The following USH2A variants were observed in gnomAD, a reference collection of about 807,000 sequenced individuals.
The protein encoded by USH2A is Usher syndrome 2A (autosomal recessive, mild).
A neutral mutation model predicts 538.9 loss-of-function variants in USH2A; 443 were observed. The ratio of observed to expected loss-of-function variants is 0.82; its 90% CI spans 0.76 to 0.89. USH2A has a LOEUF of 0.89. Ranked by LOEUF, USH2A falls within the 40% of genes least tolerant of loss-of-function variation. The pLI is 0.00. For synonymous variants in USH2A, 2,413 were observed against 2,273.5 expected (o/e 1.06, Z -1.75); for missense variants, 6,633 against 6,324.8 (o/e 1.05, Z -1.65).
At chr1:215,765,352 G>A (rs928241276) in intron 56 of USH2A, among the ~76,000 whole-genome samples, 2 of 152,064 alleles carry the variant, frequency 1.3e-5, no homozygotes, top group African/African-American at 4.8e-5. Context: ...TTCCTGGTGA[G>A]GAGCCATATG....
chr1:216,067,117 T>C (rs1453617306), intron 30 of USH2A, among the ~76,000 whole-genome samples: 1 of 152,132 alleles, frequency 6.6e-6, no homozygotes, highest in Non-Finnish European at 1.5e-5. Flanking sequence ...TGCAGGAACA[T>C]GGATGAAGCT....
chr1:216,304,943 T>C (rs1452053752), intron 9 of USH2A, among the ~76,000 whole-genome samples: 1 of 152,098 alleles, frequency 6.6e-6, no homozygotes, highest in African/African-American at 2.4e-5. Flanking sequence ...TATCACATGG[T>C]GTATCTTGGA....
intron 21 of USH2A, among the ~76,000 whole-genome samples, chr1:216,122,034 C>T (rs550631882): frequency 3.9e-5 from 6 of 152,106 alleles, no homozygotes; most frequent in East Asian, 1.9e-4. Context: ...CAAAAAGGAC[C>T]GCAAACACAA....
At chr1:216,191,995 T>C (rs2034725453) in intron 19 of USH2A, among the ~76,000 whole-genome samples, 1 of 152,102 alleles carries the variant, frequency 6.6e-6, no homozygotes, top group South Asian at 2.1e-4. Context: ...ACTTGCAGCA[T>C]AAAATTATCA....
intron 3 of USH2A, among the ~76,000 whole-genome samples, chr1:216,397,432 G>C (rs1221836371): frequency 6.6e-6 from 1 of 152,190 alleles, no homozygotes; most frequent in African/African-American, 2.4e-5. Flanking sequence ...GGTGTTTCCA[G>C]AGGAGATTGA....
intron 61 of USH2A, among the ~76,000 whole-genome samples, chr1:215,710,019 T>G (rs1436489901): frequency 1.3e-5 from 2 of 152,208 alleles, no homozygotes; most frequent in African/African-American, 4.8e-5. Context: ...CTGTGTTACT[T>G]ACAAGATTGC....
intron 61 of USH2A, among the ~76,000 whole-genome samples, chr1:215,697,797 A>G (rs1658868091): frequency 6.6e-6 from 1 of 152,212 alleles, no homozygotes; most frequent in South Asian, 2.1e-4. Flanking sequence ...CTGGGATTAC[A>G]GGCATGATCC....
chr1:215,953,729 A>C (rs374247757), intron 37 of USH2A, among the ~76,000 whole-genome samples: 20,910 of 150,934 alleles, frequency 0.14, 1,592 homozygotes, highest in African/African-American at 0.2. Flanking sequence ...TAATTAAACT[A>C]AAGAGCTTCT....
At chr1:215,993,267 A>G (rs1227776138) in intron 34 of USH2A, 100 bp from the exon 35 acceptor site, 3 of 1,551,972 alleles carry the variant, frequency 1.9e-6, no homozygotes, top group African/African-American at 2.7e-5. Context: ...AGATTTTGTT[A>G]TATAGTGCTA....
chr1:216,049,240 G>A (rs1009543152), intron 30 of USH2A, among the ~76,000 whole-genome samples: 1 of 152,106 alleles, frequency 6.6e-6, no homozygotes, highest in Non-Finnish European at 1.5e-5. Flanking sequence ...TTATGCTTTT[G>A]TACTTCTACT....
At chr1:215,975,310 T>G (rs1304848315) in intron 35 of USH2A, among the ~76,000 whole-genome samples, 1 of 152,226 alleles carries the variant, frequency 6.6e-6, no homozygotes, top group Non-Finnish European at 1.5e-5. Flanking sequence ...TATTTTGCTG[T>G]GCTGAAGCTC....
chr1:216,044,838 A>G (rs1265655220), intron 32 of USH2A, among the ~76,000 whole-genome samples: 1 of 152,158 alleles, frequency 6.6e-6, no homozygotes, highest in Non-Finnish European at 1.5e-5. Flanking sequence ...GGGGTGTAAA[A>G]TAATACCTAT....
chr1:216,041,683 A>G (rs2030282627), intron 32 of USH2A, among the ~76,000 whole-genome samples: 1 of 152,066 alleles, frequency 6.6e-6, no homozygotes. Flanking sequence ...AAAAAACAGG[A>G]TAGCTCGTGG....
chr1:215,626,299 C>CTATA (rs539897950), intron 71 of USH2A, among the ~76,000 whole-genome samples: 72 of 148,062 alleles, frequency 4.9e-4, no homozygotes, highest in Non-Finnish European at 7.4e-4. Context: ...TATATATACA[C>CTATA]TATATATATA....
chr1:216,212,720 T>C (rs926556640), intron 15 of USH2A, among the ~76,000 whole-genome samples: 1 of 151,674 alleles, frequency 6.6e-6, no homozygotes, highest in Non-Finnish European at 1.5e-5. Flanking sequence ...CACATATGTA[T>C]GTAGGGGTGT....
chr1:216,259,516 A>C (rs1243999335), intron 11 of USH2A, among the ~76,000 whole-genome samples: 1 of 152,084 alleles, frequency 6.6e-6, no homozygotes, highest in Admixed American at 6.6e-5. Flanking sequence ...AGGAAGACAA[A>C]ACTAAGGGAT....
intron 39 of USH2A, among the ~76,000 whole-genome samples, chr1:215,900,479 C>T (rs1013573633): frequency 2.6e-5 from 4 of 152,064 alleles, no homozygotes; most frequent in East Asian, 1.9e-4. Context: ...AATTTGTTAG[C>T]GACAGTTCAG....
intron 3 of USH2A, among the ~76,000 whole-genome samples, chr1:216,386,174 C>A (rs1168777269): frequency 6.6e-6 from 1 of 152,070 alleles, no homozygotes; most frequent in Non-Finnish European, 1.5e-5. Context: ...ATGAATAACA[C>A]AAAACAATAA....
intron 59 of USH2A, among the ~76,000 whole-genome samples, chr1:215,742,218 C>T (rs1023974003): frequency 6.6e-6 from 1 of 152,112 alleles, no homozygotes; most frequent in African/African-American, 2.4e-5. Context: ...ATTGCAGACT[C>T]ATAATTCTAA....
Sources: allele counts gnomAD v4.1 joint callset (sites outside exome capture counted in the v4.1 genomes callset), GRCh38; gene constraint gnomAD v4.1.1; transcripts MANE v1.5; gene names NCBI Gene and HGNC (gene_info 2026-07-23, HGNC 2026-07-21).